Variants in NHS observed in about 807,000 individuals in gnomAD.
The protein encoded by NHS is actin remodeling regulator NHS.
A neutral mutation model predicts 72.5 loss-of-function variants in NHS; 5 were observed. The ratio of observed to expected loss-of-function variants is 0.07; its 90% CI spans 0.04 to 0.14. NHS has a LOEUF of 0.14. NHS is among the 10% of genes least tolerant of loss of function. The probability of loss-of-function intolerance (pLI) is 1.00; values close to 1 mark genes in which losing one functional copy is unlikely to be tolerated. For missense variants in NHS, 1,072 were observed against 1,355.7 expected, an observed-to-expected ratio of 0.79 and a Z score of 3.29; for synonymous variants, 464 against 547.7, an observed-to-expected ratio of 0.85 and a Z score of 2.13.
intron 1 of NHS, among the ~76,000 whole-genome samples, chrX:17,616,308 G>T (rs1032732364): frequency 1.8e-5 from 2 of 112,328 alleles, no homozygotes; most frequent in African/African-American, 6.5e-5. Flanking sequence ...TTATACATTG[G>T]GTGGGTCTGT....
At chrX:17,634,513 AG>A (rs1300435997) in intron 1 of NHS, among the ~76,000 whole-genome samples, 1 of 111,412 alleles carries the variant, frequency 9.0e-6, no homozygotes, top group Non-Finnish European at 1.9e-5. Flanking sequence ...CTCAGGTGGG[AG>A]GCAAATCATG....
chrX:17,530,614 G>A (rs372075133), intron 1 of NHS, among the ~76,000 whole-genome samples: 3 of 111,094 alleles, frequency 2.7e-5, no homozygotes, highest in Non-Finnish European at 5.7e-5. Context: ...TGATTCAGAC[G>A]CACATTAATG....
intron 4 of NHS, among the ~76,000 whole-genome samples, chrX:17,720,603 A>G (rs944468623): frequency 8.9e-6 from 1 of 112,457 alleles, no homozygotes; most frequent in Non-Finnish European, 1.9e-5. Flanking sequence ...CAACCCTGAA[A>G]TAAAAGTTAG....
chrX:17,471,948 C>A (rs1349540372), intron 1 of NHS, among the ~76,000 whole-genome samples: 1 of 111,520 alleles, frequency 9.0e-6, no homozygotes, highest in East Asian at 2.8e-4. Context: ...CTAGTTAAAG[C>A]ACTTAACCTC....
intron 2 of NHS, among the ~76,000 whole-genome samples, chrX:17,688,473 G>C (rs998756174): frequency 4.5e-5 from 5 of 112,144 alleles, no homozygotes; most frequent in Non-Finnish European, 5.6e-5. Flanking sequence ...ATTATGGGAT[G>C]GCTGTCATCT....
chrX:17,635,533 G>C, intron 1 of NHS: 1 of 1,167,700 alleles, frequency 8.6e-7, no homozygotes, highest in African/African-American at 1.8e-5. Context: ...AAAAGAAAAG[G>C]CCCTTCCTTA....
At chrX:17,537,296 C>G (rs1249900963) in intron 1 of NHS, among the ~76,000 whole-genome samples, 3 of 111,984 alleles carry the variant, frequency 2.7e-5, no homozygotes, top group South Asian at 3.7e-4. Flanking sequence ...TAAATGTGAT[C>G]CAAGCATAAT....
At chrX:17,539,064 T>A (rs1421463146) in intron 1 of NHS, among the ~76,000 whole-genome samples, 1 of 112,233 alleles carries the variant, frequency 8.9e-6, no homozygotes, top group Non-Finnish European at 1.9e-5. Flanking sequence ...CCTCTACCAT[T>A]TTTCCTCTTT....
chrX:17,687,806 G>A lies in NHS; in HGVS notation c.630G>A (p.Gln210=). The change falls in exon 2 of 9, where the codon CAG becomes CAA. Residue 210 remains glutamine, a synonymous_variant. Transcript: ENST00000676302. ...ACTACCGCGCCCCGTGGCACCAGCA[G>A]CGCAACATCTTCCTCCCAGCCACAA... ...SVYYRAPWHQ[Q]RNIFLPATRP... is the part of the protein sequence containing the mutation. The A allele has an allele frequency of 8.2e-7, 1 of 1,212,147 alleles. No homozygotes were observed. Among genetic ancestry groups the A allele is most frequent in the South Asian group, 1.8e-5 (1 of 57,024 alleles).
At chrX:17,502,808 AAAG>A (rs2065042038) in intron 1 of NHS, among the ~76,000 whole-genome samples, 1 of 18,171 alleles carries the variant, frequency 5.5e-5, no homozygotes, top group African/African-American at 1.5e-4. Context: ...AAAAAAAAAA[AAAG>A]AAGTCAGGGT....
intron 1 of NHS, among the ~76,000 whole-genome samples, chrX:17,603,805 G>C: frequency 9.0e-6 from 1 of 111,443 alleles, no homozygotes; most frequent in Non-Finnish European, 1.9e-5. Flanking sequence ...AGTAAGAGGG[G>C]GCACATATTT....
intron 1 of NHS, among the ~76,000 whole-genome samples, chrX:17,416,792 ATG>A (rs770265000): frequency 1.7e-3 from 161 of 95,325 alleles, no homozygotes; most frequent in Middle Eastern, 5.3e-3. Flanking sequence ...ATGTAGGAGT[ATG>A]TGTGTGTGTG....
chrX:17,699,074 C>T lies in NHS; in HGVS notation c.852+6606C>T, dbSNP rs530906628. 3.6e-5 allele frequency among the ~76,000 whole-genome samples: 4 copies of T among 111,819 alleles called. No homozygotes were observed. In the South Asian group the frequency reaches 1.5e-3, roughly 42 times the overall value. Reference sequence around the variant, plus strand: ...AACTTTAAAGCACTCCTTAAAGACACAACATTAGACTTTTTCAAATAGAAA... The same window carrying T: ...AACTTTAAAGCACTCCTTAAAGACATAACATTAGACTTTTTCAAATAGAAA... On this transcript the variant is annotated intron_variant, in intron 3 of 8. Coordinates refer to ENST00000676302, the MANE Select transcript of NHS (RefSeq NM_001291867.2).
Position 17,734,833 on chromosome X carries a change from AT to A in NHS, c.*2372del, listed in dbSNP as rs762259971. 1 of 112,463 alleles carries A rather than the reference AT, an allele frequency of 8.9e-6. No individual in the cohort carries two copies. Among genetic ancestry groups the A allele is most frequent in the South Asian group, 3.7e-4 (1 of 2,695 alleles). The allele number at this position is 112,463 out of a possible 1,213,427, so 9.3% of individuals were successfully genotyped here. On this transcript the variant is annotated 3_prime_UTR_variant, in exon 9 of 9. Coordinates refer to ENST00000676302, the MANE Select transcript of NHS (RefSeq NM_001291867.2). ...CAGTCACAGTAGGCGATCTTTCGTA[AT>A]TTCATAAAAGCAGTTCGTTTGCAGT... is the stretch of plus-strand genomic sequence containing the variant.
intron 3 of NHS, among the ~76,000 whole-genome samples, chrX:17,709,674 A>G (rs2066317712): frequency 9.0e-6 from 1 of 111,694 alleles, no homozygotes; most frequent in Non-Finnish European, 1.9e-5. Flanking sequence ...AATGGAAGGA[A>G]GGGGTTGGAG....
chrX:17,523,927 A>G lies in NHS; in HGVS notation c.565+147605A>G, dbSNP rs769131142. 3.6e-5 allele frequency among the ~76,000 whole-genome samples: 4 copies of G among 111,169 alleles called. No homozygotes were observed. In the East Asian group the frequency reaches 1.1e-3, roughly 32 times the overall value. ...CTGTGGTCACAAAAGCTTCATCTCA[A>G]AAGAAGCTAAGAGGGGGTCCATTCT... On this transcript the variant is annotated intron_variant, in intron 1 of 8. Coordinates refer to ENST00000676302, the MANE Select transcript of NHS (RefSeq NM_001291867.2).
At chrX:17,692,600 C>A in intron 3 of NHS, 132 bp downstream of exon 3, 37 of 801,899 alleles carry the variant, frequency 4.6e-5, no homozygotes, top group East Asian at 1.0e-4. Flanking sequence ...CATTTGGGAA[C>A]AAATTAATTT....
intron 1 of NHS, among the ~76,000 whole-genome samples, chrX:17,380,144 G>A (rs2064369133): frequency 8.9e-6 from 1 of 111,889 alleles, no homozygotes; most frequent in Non-Finnish European, 1.9e-5. Context: ...AGAATCAGAA[G>A]AGTGTAGTAT....
chrX:17,646,456 T>C lies in NHS; in HGVS notation c.566-41286T>C, dbSNP rs1036057722. On this transcript the variant is annotated intron_variant, in intron 1 of 8. Transcript: ENST00000676302. ...TTCTCCATACCTGGTCATTTCTCCA[T>C]ACCTGGTCATTTCTCTTTCCTGCTA... Among the ~76,000 whole-genome samples the C allele has an allele frequency of 3.6e-5, 4 of 111,948 alleles. No individual in the cohort carries two copies. The South Asian group carries it at 1.5e-3, about 42-fold the overall frequency.
Sources: gnomAD v4.1 joint callset for allele counts (sites outside exome capture counted in the v4.1 genomes callset) on GRCh38, gnomAD v4.1.1 for gene constraint, MANE v1.5 for transcripts, NCBI Gene and HGNC (gene_info 2026-07-23, HGNC 2026-07-21) for gene names.